The following ROBO2 variants were observed in gnomAD, a reference collection of about 807,000 sequenced individuals.
ROBO2 encodes roundabout homolog 2.
A neutral mutation model predicts 160.8 loss-of-function variants in ROBO2; 53 were observed. That is an observed-to-expected ratio of 0.33 (90% CI 0.26 to 0.41). ROBO2 has a LOEUF of 0.41. Ranked by LOEUF, ROBO2 falls within the 10% of genes least tolerant of loss-of-function variation. The probability of loss-of-function intolerance (pLI) is 1.00; values close to 1 mark genes in which losing one functional copy is unlikely to be tolerated. For missense variants in ROBO2, 1,577 were observed against 1,722.4 expected, an observed-to-expected ratio of 0.92 and a Z score of 1.49; for synonymous variants, 664 against 611.7, an observed-to-expected ratio of 1.09 and a Z score of -1.26.
intron 2 of ROBO2, among the ~76,000 whole-genome samples, chr3:76,319,086 G>C (rs775316900): frequency 9.2e-5 from 14 of 152,126 alleles, no homozygotes; most frequent in Non-Finnish European, 2.1e-4. Flanking sequence ...CATTTTCAGA[G>C]ACCAGGGAAT....
At chr3:76,446,920 T>C (rs1202156101) in intron 2 of ROBO2, among the ~76,000 whole-genome samples, 1 of 151,872 alleles carries the variant, frequency 6.6e-6, no homozygotes, top group Non-Finnish European at 1.5e-5. Flanking sequence ...AAATATTAGA[T>C]CTAAAACCAT....
At chr3:76,838,070 C>A (rs2067876362) in intron 2 of ROBO2, among the ~76,000 whole-genome samples, 1 of 152,006 alleles carries the variant, frequency 6.6e-6, no homozygotes, top group South Asian at 2.1e-4. Context: ...AGAGTGATAT[C>A]ATGTCTTTTA....
At chr3:76,096,920 G>A (rs747456633) in intron 2 of ROBO2, among the ~76,000 whole-genome samples, 7 of 152,164 alleles carry the variant, frequency 4.6e-5, no homozygotes, top group Non-Finnish European at 7.3e-5. Context: ...GGAAAAATTA[G>A]TTATGGGCAG....
chr3:76,674,817 A>G lies in ROBO2; in HGVS notation c.110-423197A>G, dbSNP rs113741696. On this transcript the variant is annotated intron_variant, in intron 2 of 26. Transcript: ENST00000487694. ...ACACACTCACTAGCAACGCCTTCAC[A>G]CCTAGGCTTTGTTTTTGAGAAAGTC... 1.1e-3 allele frequency among the ~76,000 whole-genome samples: 170 copies of G among 152,246 alleles called. 1 individual carries two copies. Among genetic ancestry groups the G allele is most frequent in the African/African-American group, 3.8e-3 (159 of 41,568 alleles).
At chr3:76,449,276 G>A (rs1303994747) in intron 2 of ROBO2, among the ~76,000 whole-genome samples, 1 of 152,090 alleles carries the variant, frequency 6.6e-6, no homozygotes, top group African/African-American at 2.4e-5. Flanking sequence ...AGGATGAAGT[G>A]TATGAGCTAA....
At chr3:76,909,847 T>C (rs1014824996) in intron 2 of ROBO2, among the ~76,000 whole-genome samples, 17 of 152,232 alleles carry the variant, frequency 1.1e-4, no homozygotes, top group African/African-American at 4.1e-4. Flanking sequence ...TTTACATTTC[T>C]TCTCCTTGTC....
chr3:77,296,277 G>A (rs1395753271), intron 2 of ROBO2, among the ~76,000 whole-genome samples: 3 of 151,874 alleles, frequency 2.0e-5, no homozygotes, highest in African/African-American at 7.3e-5. Flanking sequence ...GGTAAGCTGA[G>A]GCTAGATCAC....
intron 2 of ROBO2, among the ~76,000 whole-genome samples, chr3:76,669,007 T>C (rs1251669787): frequency 6.6e-6 from 1 of 152,114 alleles, no homozygotes; most frequent in Non-Finnish European, 1.5e-5. Flanking sequence ...GCCTTTTTTG[T>C]AGTACAGCGA....
At chr3:77,202,234 G>A (rs1034597848) in intron 2 of ROBO2, among the ~76,000 whole-genome samples, 1 of 152,110 alleles carries the variant, frequency 6.6e-6, no homozygotes, top group Non-Finnish European at 1.5e-5. Flanking sequence ...AATAGCATTT[G>A]TTATACAAAA....
intron 2 of ROBO2, among the ~76,000 whole-genome samples, chr3:76,246,708 T>G (rs935211491): frequency 2.0e-5 from 3 of 152,146 alleles, no homozygotes; most frequent in African/African-American, 7.2e-5. Context: ...ATTTTAGGCA[T>G]GCTGAATTCT....
Position 76,817,855 on chromosome 3 carries a change from G to C in ROBO2, c.110-280159G>C, listed in dbSNP as rs56144248. On this transcript the variant is annotated intron_variant, in intron 2 of 26. Transcript: ENST00000487694. Reference sequence around the variant, plus strand: ...TTTTTTTTTTTTTTTTGGCTGAGTAGTATTTCATGGTACATATATACTACA... The same window carrying C: ...TTTTTTTTTTTTTTTTGGCTGAGTACTATTTCATGGTACATATATACTACA... Among the ~76,000 whole-genome samples the C allele has an allele frequency of 2.2e-5, 3 of 138,102 alleles. No individual in the cohort carries two copies. The South Asian group carries it at 6.9e-4, about 32-fold the overall frequency. 90.6% of individuals were successfully genotyped at this position (138,102 alleles called of 152,430 possible). A position where few individuals can be genotyped will look rare whatever the true frequency, so the allele number is the denominator to read the frequency against.
At chr3:76,677,239 A>G (rs1027002400) in intron 2 of ROBO2, among the ~76,000 whole-genome samples, 1 of 152,102 alleles carries the variant, frequency 6.6e-6, no homozygotes, top group Non-Finnish European at 1.5e-5. Flanking sequence ...AGGAGGTAGG[A>G]GGGAGAGAAG....
At chr3:76,488,997 T>C (rs1193120449) in intron 2 of ROBO2, among the ~76,000 whole-genome samples, 2 of 148,802 alleles carry the variant, frequency 1.3e-5, no homozygotes, top group African/African-American at 4.9e-5. Context: ...GGCAGGAGCA[T>C]TGCTTGAACC....
At position 77,407,758 on chromosome 3, in the gene ROBO2, ATTACTCTTAACTT is replaced by A. The variant is rs567722942; in HGVS notation, c.389-69652_389-69640del. 3.3e-5 allele frequency among the ~76,000 whole-genome samples: 5 copies of A among 152,332 alleles called. No individual in the cohort carries two copies. The East Asian group carries it at 9.7e-4, about 29-fold the overall frequency. ...AATAATGCTCGTGTTTATTTTAGAC[ATTACTCTTAACTT>A]TTAAAGTTGCCTTATTCATTTTAAA... On this transcript the variant is annotated intron_variant, in intron 2 of 25. Transcript: ENST00000461745.
chr3:76,626,873 G>C (rs1305038705), intron 2 of ROBO2, among the ~76,000 whole-genome samples: 1 of 151,892 alleles, frequency 6.6e-6, no homozygotes, highest in Non-Finnish European at 1.5e-5. Context: ...TTGTATTTTA[G>C]TGGAGACGAA....
chr3:76,617,903 C>T (rs2088723598), intron 2 of ROBO2, among the ~76,000 whole-genome samples: 1 of 151,516 alleles, frequency 6.6e-6, no homozygotes, highest in Admixed American at 6.6e-5. Flanking sequence ...ATAAAACCAT[C>T]ACCCCATGAT....
intron 9 of ROBO2, 116 bp downstream of exon 10, chr3:77,558,265 A>G (rs1370823572): frequency 3.6e-6 from 3 of 839,822 alleles, no homozygotes; most frequent in Non-Finnish European, 6.0e-6. Flanking sequence ...GCACGTTTAA[A>G]AACAGTTAAT....
At chr3:77,394,238 C>G (rs2075041016) in intron 2 of ROBO2, among the ~76,000 whole-genome samples, 1 of 152,068 alleles carries the variant, frequency 6.6e-6, no homozygotes, top group Non-Finnish European at 1.5e-5. Context: ...CCTTGGGGAC[C>G]TTGTTAGATG....
intron 2 of ROBO2, among the ~76,000 whole-genome samples, chr3:76,572,869 G>A (rs947659792): frequency 6.6e-6 from 1 of 152,092 alleles, no homozygotes; most frequent in African/African-American, 2.4e-5. Context: ...ACACTGAACT[G>A]GGTTATTCCT....
Sources: gnomAD v4.1 joint callset for allele counts (sites outside exome capture counted in the v4.1 genomes callset) on GRCh38, gnomAD v4.1.1 for gene constraint, MANE v1.5 for transcripts, NCBI Gene and HGNC (gene_info 2026-07-23, HGNC 2026-07-21) for gene names.